Variants in EPHB1 observed in about 807,000 individuals in gnomAD.
EPHB1 encodes the protein EPH receptor B1.
Under a neutral mutation model 94.4 loss-of-function variants are expected in EPHB1, and 30 were observed. The ratio of observed to expected loss-of-function variants is 0.32; its 90% CI spans 0.24 to 0.43. The LOEUF is 0.43. EPHB1 is among the 20% of genes least tolerant of loss of function. The probability of loss-of-function intolerance (pLI) is 1.00; values close to 1 mark genes in which losing one functional copy is unlikely to be tolerated. For missense variants in EPHB1, 1,055 were observed against 1,308.3 expected, an observed-to-expected ratio of 0.81 and a Z score of 2.99; for synonymous variants, 522 against 489.1, an observed-to-expected ratio of 1.07 and a Z score of -0.89.
intron 1 of EPHB1, among the ~76,000 whole-genome samples, chr3:134,871,402 T>C (rs1169956512): frequency 6.6e-6 from 1 of 152,032 alleles, no homozygotes; most frequent in Non-Finnish European, 1.5e-5. Context: ...GTTTGGCAGG[T>C]GAGGTCCCCA....
intron 3 of EPHB1, among the ~76,000 whole-genome samples, chr3:135,030,475 A>G (rs2107759747): frequency 6.6e-6 from 1 of 152,228 alleles, no homozygotes; most frequent in East Asian, 1.9e-4. Flanking sequence ...CTGTTGGAAT[A>G]CCCTGCAGTG....
chr3:135,256,054 T>G (rs543796586), intron 15 of EPHB1, among the ~76,000 whole-genome samples: 299 of 152,154 alleles, frequency 2.0e-3, no homozygotes, highest in Non-Finnish European at 3.7e-3. Context: ...TGCCTTCTTT[T>G]GTTTTCCATT....
At chr3:134,879,269 C>T (rs114755994) in intron 1 of EPHB1, among the ~76,000 whole-genome samples, 1,815 of 152,258 alleles carry the variant, frequency 0.012, 39 homozygotes, top group African/African-American at 0.041. Flanking sequence ...AATCACTGCT[C>T]AGCCTGAAAA....
In EPHB1 at chr3:135,259,395, G is replaced by C; in HGVS notation, c.*275G>C. ...AGTGAAGACAAAACAATATGCATCA[G>C]GAGAACAAGAGTAAACCCAGCTCCC... On this transcript the variant is annotated 3_prime_UTR_variant, in exon 16 of 16. Transcript: ENST00000398015. The C allele has an allele frequency of 3.6e-6, 1 of 275,694 alleles. No individual in the cohort carries two copies. The highest frequency in any genetic ancestry group is 6.9e-6 in the Non-Finnish European group (1 of 145,734). 17.1% of individuals were successfully genotyped at this position (275,694 alleles called of 1,614,324 possible).
intron 1 of EPHB1, among the ~76,000 whole-genome samples, chr3:134,910,279 G>A (rs1034524536): frequency 6.6e-6 from 1 of 152,166 alleles, no homozygotes; most frequent in Non-Finnish European, 1.5e-5. Context: ...AATGCTCACA[G>A]CAGAGTAGGA....
intron 3 of EPHB1, among the ~76,000 whole-genome samples, chr3:135,100,141 A>G (rs1938980670): frequency 1.3e-5 from 2 of 152,188 alleles, no homozygotes; most frequent in African/African-American, 4.8e-5. Context: ...GTGGCAGTGG[A>G]GGGAAGAATC....
At chr3:134,944,139 C>T (rs2039174378) in intron 2 of EPHB1, among the ~76,000 whole-genome samples, 1 of 152,118 alleles carries the variant, frequency 6.6e-6, no homozygotes, top group African/African-American at 2.4e-5. Flanking sequence ...CTCTATGGCC[C>T]CAGGCAAATA....
At position 135,113,368 on chromosome 3, in the gene EPHB1, G is replaced by A. The variant is rs372770770; in HGVS notation, c.961+6765G>A. Among the ~76,000 whole-genome samples the A allele has an allele frequency of 1.8e-4, 27 of 152,302 alleles. No individual in the cohort carries two copies. The East Asian group carries it at 3.9e-3, about 22-fold the overall frequency. On this transcript the variant is annotated intron_variant, in intron 4 of 15. Coordinates refer to ENST00000398015, the MANE Select transcript of EPHB1 (RefSeq NM_004441.5). Reference sequence around the variant, plus strand: ...GTGAGTATAACCTTTTTGAGGAATTGTATAGCTCTAAGTTTTAAGCTAAAA... The same window carrying A: ...GTGAGTATAACCTTTTTGAGGAATTATATAGCTCTAAGTTTTAAGCTAAAA...
intron 11 of EPHB1, among the ~76,000 whole-genome samples, chr3:135,200,712 A>G (rs1327110290): frequency 2.6e-5 from 4 of 152,176 alleles, no homozygotes; most frequent in Non-Finnish European, 4.4e-5. Context: ...ACACACACAC[A>G]CACGATTAAA....
chr3:135,158,895 G>C (rs1941432253), intron 6 of EPHB1, among the ~76,000 whole-genome samples: 1 of 152,138 alleles, frequency 6.6e-6, no homozygotes, highest in South Asian at 2.1e-4. Context: ...GGCTGGTTTA[G>C]GCCTTGGTAA....
chr3:135,003,890 G>A (rs1366641517), intron 3 of EPHB1, among the ~76,000 whole-genome samples: 1 of 152,058 alleles, frequency 6.6e-6, no homozygotes, highest in Non-Finnish European at 1.5e-5. Flanking sequence ...ACAGCACACT[G>A]ATGGGTCTTG....
At chr3:134,926,395 A>T (rs1397835141) in intron 2 of EPHB1, among the ~76,000 whole-genome samples, 1 of 152,296 alleles carries the variant, frequency 6.6e-6, no homozygotes, top group East Asian at 1.9e-4. Context: ...GGCACTGGAG[A>T]TCAACAGGTA....
intron 3 of EPHB1, among the ~76,000 whole-genome samples, chr3:134,977,672 T>C (rs1934241601): frequency 6.6e-6 from 1 of 152,154 alleles, no homozygotes; most frequent in South Asian, 2.1e-4. Flanking sequence ...TCCTTTGTTT[T>C]CTGCGACTTT....
intron 1 of EPHB1, among the ~76,000 whole-genome samples, chr3:134,902,571 A>G (rs1192334089): frequency 6.6e-6 from 1 of 152,248 alleles, no homozygotes; most frequent in African/African-American, 2.4e-5. Context: ...AGATCTTGCT[A>G]TGATTAAAAT....
intron 12 of EPHB1, among the ~76,000 whole-genome samples, chr3:135,206,428 A>G (rs1942902280): frequency 6.6e-6 from 1 of 152,240 alleles, no homozygotes; most frequent in Non-Finnish European, 1.5e-5. Context: ...ATTATATGAA[A>G]CTATGTTTTG....
At chr3:135,080,532 C>T (rs887383837) in intron 3 of EPHB1, among the ~76,000 whole-genome samples, 1 of 151,850 alleles carries the variant, frequency 6.6e-6, no homozygotes, top group African/African-American at 2.4e-5. Context: ...GTCAGAGGTC[C>T]AAGATTGAAT....
At chr3:135,223,044 C>T (rs954592273) in intron 12 of EPHB1, among the ~76,000 whole-genome samples, 20 of 152,172 alleles carry the variant, frequency 1.3e-4, no homozygotes, top group Non-Finnish European at 4.4e-5. Flanking sequence ...ACAGTCCAGT[C>T]AATCACATTC....
chr3:134,818,343 A>C (rs1010154808), intron 1 of EPHB1, among the ~76,000 whole-genome samples: 6 of 152,234 alleles, frequency 3.9e-5, no homozygotes, highest in African/African-American at 1.4e-4. Context: ...TGGTATGTCC[A>C]TGCTGCTGGG....
At chr3:134,864,188 A>G (rs2037324117) in intron 1 of EPHB1, among the ~76,000 whole-genome samples, 1 of 152,126 alleles carries the variant, frequency 6.6e-6, no homozygotes, top group African/African-American at 2.4e-5. Flanking sequence ...ACTGCAGTTC[A>G]TGGCTTTTGT....
Sources: gnomAD v4.1 joint callset for allele counts (sites outside exome capture counted in the v4.1 genomes callset) on GRCh38, gnomAD v4.1.1 for gene constraint, MANE v1.5 for transcripts, NCBI Gene and HGNC (gene_info 2026-07-23, HGNC 2026-07-21) for gene names.